TMEM182: variants seen among roughly 807,000 people sequenced by gnomAD.
TMEM182 encodes the protein transmembrane protein 182.
TMEM182 carries 20 observed loss-of-function variants against 26.8 expected under a neutral mutation model. That is an observed-to-expected ratio of 0.75 (90% CI 0.53 to 1.09). TMEM182 has a LOEUF of 1.09. Among genes scored for constraint, TMEM182 ranks in the 50% least tolerant of loss-of-function variants. TMEM182 has a pLI of 0.00. For synonymous variants in TMEM182, 109 were observed against 102.2 expected, an observed-to-expected ratio of 1.07 and a Z score of -0.40; for missense variants, 277 against 275.5, an observed-to-expected ratio of 1.01 and a Z score of -0.04.
chr2:102,801,763 T>G (rs1682150532), intron 4 of TMEM182, among the ~76,000 whole-genome samples: 1 of 152,226 alleles, frequency 6.6e-6, no homozygotes, highest in African/African-American at 2.4e-5. Flanking sequence ...GTACATTCCT[T>G]TGTGTCCTAG....
chr2:102,780,135 ATGC>A (rs1681108305), intron 3 of TMEM182, among the ~76,000 whole-genome samples: 1 of 151,852 alleles, frequency 6.6e-6, no homozygotes, highest in African/African-American at 2.4e-5. Context: ...TTAGTGTCTA[ATGC>A]TTATTCTTTT....
At chr2:102,834,576 A>G (rs1471057813) in intron 3 of TMEM182, among the ~76,000 whole-genome samples, 4 of 152,228 alleles carry the variant, frequency 2.6e-5, no homozygotes, top group African/African-American at 9.7e-5. Flanking sequence ...ATAGAAAAAC[A>G]AAACAAAACT....
intron 1 of TMEM182, among the ~76,000 whole-genome samples, chr2:102,749,023 T>C (rs1412093557): frequency 1.3e-5 from 2 of 152,202 alleles, no homozygotes; most frequent in Non-Finnish European, 2.9e-5. Context: ...AATGGATTTA[T>C]GCATTTTAAA....
upstream of TMEM182, chr2:102,762,013 G>A: frequency 8.6e-6 from 4 of 464,492 alleles, no homozygotes; most frequent in Non-Finnish European, 1.2e-5. Context: ...TTCCTCCAGG[G>A]GCGAGCAAAG....
chr2:102,785,357 C>T (rs895359926), intron 3 of TMEM182, among the ~76,000 whole-genome samples: 1 of 152,198 alleles, frequency 6.6e-6, no homozygotes, highest in Non-Finnish European at 1.5e-5. Context: ...AGATTGCACC[C>T]TTTCTCTATT....
chr2:102,821,881 G>A (rs187769158), downstream of TMEM182, among the ~76,000 whole-genome samples: 611 of 151,894 alleles, frequency 4.0e-3, 5 homozygotes, highest in African/African-American at 0.014. Context: ...CCAGCTACTC[G>A]GGAGGCTGAG....
intron 3 of TMEM182, among the ~76,000 whole-genome samples, chr2:102,792,038 GTA>G (rs1255435337): frequency 3.2e-5 from 3 of 93,726 alleles, no homozygotes; most frequent in African/African-American, 1.4e-4. Flanking sequence ...TTATATGTGT[GTA>G]TACACACACA....
At chr2:102,776,200 G>A (rs1680908870) in intron 3 of TMEM182, among the ~76,000 whole-genome samples, 1 of 152,066 alleles carries the variant, frequency 6.6e-6, no homozygotes, top group Admixed American at 6.6e-5. Flanking sequence ...ATTAACTAAA[G>A]TCAGGATTCA....
In TMEM182 at chr2:102,815,544, A is replaced by C. The variant is rs142881486; in HGVS notation, c.*576A>C. On this transcript the variant is annotated 3_prime_UTR_variant, in exon 5 of 5. Transcript: ENST00000412401. The stretch of plus-strand genomic sequence containing the variant: ...GGCCACAACAAACAAGACTGAGAGC[A>C]TGTACTTATCTTGCTTTTTCACCAA... 2.2e-4 allele frequency: 217 copies of C among 985,568 alleles called. No homozygotes were observed. The African/African-American group carries it at 3.6e-3, about 16-fold the overall frequency. The allele number at this position is 985,568 out of a possible 1,614,324, so 61.1% of individuals were successfully genotyped here. A position where few individuals can be genotyped will look rare whatever the true frequency, so the allele number is the denominator to read the frequency against.
intron 1 of TMEM182, among the ~76,000 whole-genome samples, chr2:102,746,348 T>G (rs1456031514): frequency 6.6e-6 from 1 of 152,226 alleles, no homozygotes; most frequent in Non-Finnish European, 1.5e-5. Context: ...CCTTATCAGA[T>G]ATGTAATTTC....
intron 3 of TMEM182, among the ~76,000 whole-genome samples, chr2:102,768,426 G>A (rs1238238854): frequency 6.6e-6 from 1 of 151,826 alleles, no homozygotes; most frequent in Admixed American, 6.6e-5. Flanking sequence ...GGTAGCCAAA[G>A]TGTTGTAATC....
intron 1 of TMEM182, among the ~76,000 whole-genome samples, chr2:102,753,946 C>A (rs1482039971): frequency 6.6e-6 from 1 of 151,976 alleles, no homozygotes; most frequent in East Asian, 1.9e-4. Context: ...GTGAATAATC[C>A]CTGAAAATGC....
intron 3 of TMEM182, among the ~76,000 whole-genome samples, chr2:102,770,184 C>T (rs1680613827): frequency 6.6e-6 from 1 of 152,104 alleles, no homozygotes; most frequent in Non-Finnish European, 1.5e-5. Flanking sequence ...AACAAGTCAG[C>T]GAGCAGTCTG....
In TMEM182 at chr2:102,748,412, C is replaced by T. The variant is rs140871639; in HGVS notation, c.-82-9977C>T. Among the ~76,000 whole-genome samples the T allele has an allele frequency of 3.5e-3, 529 of 152,226 alleles. 6 individuals are homozygous for T. Among genetic ancestry groups the T allele is most frequent in the African/African-American group, 0.012 (504 of 41,522 alleles). On this transcript the variant is annotated intron_variant, in intron 1 of 5. Transcript: ENST00000409173. The stretch of plus-strand genomic sequence containing the variant: ...ATAATTCTAAGTCAATTTGATAAAG[C>T]GTATGTTTTGGTCTAAAGATAATTT...
chr2:102,842,487 C>T (rs1683373235), intron 3 of TMEM182, among the ~76,000 whole-genome samples: 1 of 152,086 alleles, frequency 6.6e-6, no homozygotes, highest in Non-Finnish European at 1.5e-5. Flanking sequence ...GGGAGCTTTC[C>T]CCGGATCCCA....
At chr2:102,761,138 C>A (rs1416595285), upstream of TMEM182, among the ~76,000 whole-genome samples, 12 of 152,106 alleles carry the variant, frequency 7.9e-5, no homozygotes, top group Admixed American at 7.9e-4. Flanking sequence ...ATTTTAAATG[C>A]ACACAAATAC....
intron 3 of TMEM182, among the ~76,000 whole-genome samples, chr2:102,776,819 G>A (rs1301204844): frequency 6.6e-6 from 1 of 152,154 alleles, no homozygotes; most frequent in Admixed American, 6.5e-5. Context: ...ATTTGGTGTT[G>A]TCGGTGCTTT....
chr2:102,741,903 T>G (rs145514700), intron 1 of TMEM182, among the ~76,000 whole-genome samples: 229 of 152,264 alleles, frequency 1.5e-3, no homozygotes, highest in Non-Finnish European at 2.3e-3. Flanking sequence ...CTAGCCAGAT[T>G]AACATGAAAC....
intron 4 of TMEM182, among the ~76,000 whole-genome samples, chr2:102,800,479 T>C (rs1175792787): frequency 1.3e-5 from 2 of 152,162 alleles, no homozygotes; most frequent in Non-Finnish European, 2.9e-5. Context: ...CCAAATCCCA[T>C]ATCCTTATAT....
Sources: allele counts gnomAD v4.1 joint callset (sites outside exome capture counted in the v4.1 genomes callset), GRCh38; gene constraint gnomAD v4.1.1; transcripts MANE v1.5; gene names NCBI Gene and HGNC (gene_info 2026-07-23, HGNC 2026-07-21).